The following LRRFIP2 variants were observed in gnomAD, a reference collection of about 807,000 sequenced individuals.
The protein encoded by LRRFIP2 is LRR binding FLII interacting protein 2, also known as leucine-rich repeat flightless-interacting protein 2.
A neutral mutation model predicts 125.9 loss-of-function variants in LRRFIP2; 109 were observed. The observed-to-expected ratio is 0.87, with a 90% CI of 0.74 to 1.01. The LOEUF (loss-of-function observed/expected upper bound fraction) is 1.01, where lower values mean the gene tolerates loss of function less well. Ranked by LOEUF, LRRFIP2 falls within the 50% of genes least tolerant of loss-of-function variation. The probability of loss-of-function intolerance (pLI) is 0.00; values close to 1 mark genes in which losing one functional copy is unlikely to be tolerated. For missense variants in LRRFIP2, 850 were observed against 862.3 expected, an observed-to-expected ratio of 0.99 and a Z score of 0.18; for synonymous variants, 291 against 293.1, an observed-to-expected ratio of 0.99 and a Z score of 0.07.
intron 17 of LRRFIP2, among the ~76,000 whole-genome samples, chr3:37,092,920 C>T (rs1342084798): frequency 6.6e-6 from 1 of 152,076 alleles, no homozygotes; most frequent in Non-Finnish European, 1.5e-5. Flanking sequence ...CTCACTGCAA[C>T]CTCTGCCTCC....
At chr3:37,056,688 C>T (rs1287444807) in intron 25 of LRRFIP2, among the ~76,000 whole-genome samples, 4 of 149,694 alleles carry the variant, frequency 2.7e-5, no homozygotes, top group African/African-American at 9.7e-5. Context: ...CTCCTGACCT[C>T]GTGATCCACC....
chr3:37,091,256 T>G (rs1013765323), intron 18 of LRRFIP2, among the ~76,000 whole-genome samples: 3 of 152,254 alleles, frequency 2.0e-5, no homozygotes, highest in Middle Eastern at 6.8e-3. Context: ...AATGATATCT[T>G]CTGCGGAATA....
rs1167635773 is a variant in LRRFIP2, at chr3:37,053,218, A to G, written c.*633T>C. ...ATTAGGCCTGGACTTCCCCTGCCCCATGCAATAAAGCAAGTTTTATATACA... is the reference window on the plus strand; with the variant it reads ...ATTAGGCCTGGACTTCCCCTGCCCCGTGCAATAAAGCAAGTTTTATATACA... On this transcript the variant is annotated 3_prime_UTR_variant, in exon 28 of 28. Coordinates refer to ENST00000336686, the MANE Select transcript of LRRFIP2 (RefSeq NM_006309.4). 1 of 152,782 alleles carries G rather than the reference A, an allele frequency of 6.5e-6. No homozygotes were observed. Among genetic ancestry groups the G allele is most frequent in the Non-Finnish European group, 1.5e-5 (1 of 68,180 alleles). The allele number at this position is 152,782 out of a possible 1,614,324, so 9.5% of individuals were successfully genotyped here.
At position 37,064,047 on chromosome 3, in the gene LRRFIP2, TAAAGAC is replaced by T. The variant is rs1312672465; in HGVS notation, c.1700-262_1700-257del. 66 of 432,048 alleles carry T rather than the reference TAAAGAC, an allele frequency of 1.5e-4. 1 individual carries two copies. The Admixed American group carries it at 2.6e-3, about 17-fold the overall frequency. The allele number at this position is 432,048 out of a possible 1,614,324, so 26.8% of individuals were successfully genotyped here. On this transcript the variant is annotated intron_variant, in intron 23 of 27. Coordinates refer to ENST00000336686, the MANE Select transcript of LRRFIP2 (RefSeq NM_006309.4). Reference sequence around the variant, plus strand: ...TTCCCCACAGCAGTGATTTGCCACTTAAAGACAAACAGAAGTACAAAGGAGGTCATT... The same window carrying T: ...TTCCCCACAGCAGTGATTTGCCACTTAAACAGAAGTACAAAGGAGGTCATT...
At chr3:37,090,799 T>TA (rs2093388895) in intron 18 of LRRFIP2, among the ~76,000 whole-genome samples, 1 of 152,154 alleles carries the variant, frequency 6.6e-6, no homozygotes, top group Non-Finnish European at 1.5e-5. Context: ...ACCTATAGGT[T>TA]AAAAAAATCC....
At chr3:37,154,009 T>G (rs1223919152) in intron 1 of LRRFIP2, among the ~76,000 whole-genome samples, 3 of 72,248 alleles carry the variant, frequency 4.2e-5, no homozygotes, top group African/African-American at 1.4e-4. Context: ...AAATTCTGTC[T>G]TTACAAAAAA....
Position 37,121,512 on chromosome 3 carries a change from G to T in LRRFIP2, c.310C>A (p.Arg104=). ...YLGVEDALSI[R]SVGSHRYDMF... ...CCAACCCTGTGACTGCCAACACTTC[G>T]AATGGACAATGCATCCTCAACTCCC... The change falls in exon 6 of 28, where the codon CGA becomes AGA. Residue 104 remains arginine (R), a synonymous_variant. Coordinates refer to ENST00000336686, the MANE Select transcript of LRRFIP2 (RefSeq NM_006309.4). 1 of 1,613,996 alleles carries T rather than the reference G, an allele frequency of 6.2e-7. No individual in the cohort carries two copies. Among genetic ancestry groups the T allele is most frequent in the South Asian group, 1.1e-5 (1 of 91,078 alleles).
At position 37,123,095 on chromosome 3, in the gene LRRFIP2, T is replaced by A. The variant is rs980887679; in HGVS notation, c.229-1404A>T. ...GCCCTTGACCAAATGTATGCTGAAG[T>A]CTGTTTATAAGCACTACTATGATTC... On this transcript the variant is annotated intron_variant, in intron 4 of 27. Coordinates refer to ENST00000336686, the MANE Select transcript of LRRFIP2 (RefSeq NM_006309.4). Among the ~76,000 whole-genome samples the A allele has an allele frequency of 3.9e-5, 6 of 152,372 alleles. No homozygotes were observed. In the South Asian group the frequency reaches 1.0e-3, roughly 26 times the overall value.
At chr3:37,144,499 G>A (rs571659622) in intron 2 of LRRFIP2, among the ~76,000 whole-genome samples, 14 of 152,222 alleles carry the variant, frequency 9.2e-5, no homozygotes, top group South Asian at 6.2e-4. Context: ...CCAGCTACTC[G>A]GGAGGCAAGG....
chr3:37,121,795 T>A, intron 4 of LRRFIP2, 104 bp from the exon 5 acceptor site: 5 of 1,062,190 alleles, frequency 4.7e-6, no homozygotes, highest in Non-Finnish European at 7.2e-6. Flanking sequence ...CAACAACTCC[T>A]GAGAGCAGGC....
At chr3:37,164,086 G>A (rs2096414159) in intron 1 of LRRFIP2, among the ~76,000 whole-genome samples, 2 of 152,158 alleles carry the variant, frequency 1.3e-5, no homozygotes, top group African/African-American at 4.8e-5. Flanking sequence ...TACATAGATA[G>A]ATGAAGACTC....
chr3:37,132,981 T>C (rs1360179086), intron 2 of LRRFIP2, among the ~76,000 whole-genome samples: 1 of 151,886 alleles, frequency 6.6e-6, no homozygotes, highest in African/African-American at 2.4e-5. Context: ...CTCAGCACTT[T>C]AGGAGGACAA....
In LRRFIP2 at chr3:37,072,847, C is replaced by G; in HGVS notation, c.1407G>C (p.Met469Ile). 1 of 1,612,956 alleles carries G rather than the reference C, an allele frequency of 6.2e-7. No individual in the cohort carries two copies. Reference protein sequence around the residue: ...KQRMQQKIDTMTKEVFDLQET... With the variant: ...KQRMQQKIDTITKEVFDLQET... ...CCTGGAGGTCAAACACCTCTTTTGT[C>G]ATGGTGTCTATTTTCTGCTGCATGC... The change falls in exon 21 of 28, where the codon ATG becomes ATC. Residue 469 changes from methionine (M) to isoleucine (I), a missense_variant. Physicochemically the swap from Met to Ile is conservative, Grantham distance 10 (BLOSUM62 1). Coordinates refer to ENST00000336686, the MANE Select transcript of LRRFIP2 (RefSeq NM_006309.4).
In LRRFIP2 at chr3:37,102,980, G is replaced by C. The variant is rs759159619; in HGVS notation, c.817C>G (p.Arg273Gly). 12 of 1,566,168 alleles carry C rather than the reference G, an allele frequency of 7.7e-6. No homozygotes were observed. Among genetic ancestry groups the C allele is most frequent in the Non-Finnish European group, 7.8e-6 (9 of 1,153,590 alleles). The change falls in exon 15 of 28, where the codon CGT becomes GGT. Residue 273 changes from arginine to glycine, a missense_variant. Transcript: ENST00000336686. ...ACCTCAGAGACAACACTTCCCCTACGATTGGAGCGACTGAAATAATCAGCG... is the reference window on the plus strand; with the variant it reads ...ACCTCAGAGACAACACTTCCCCTACCATTGGAGCGACTGAAATAATCAGCG... ...SAADYFSRSNRRGSVVSEVDD... is the reference protein window; with the variant it reads ...SAADYFSRSNGRGSVVSEVDD...
At chr3:37,104,072 T>C (rs918809638) in intron 14 of LRRFIP2, among the ~76,000 whole-genome samples, 1 of 152,268 alleles carries the variant, frequency 6.6e-6, no homozygotes, top group East Asian at 1.9e-4. Context: ...CTTACAAGTA[T>C]GAAGTTTTGC....
In LRRFIP2 at chr3:37,075,054, T is replaced by G; in HGVS notation, c.1341A>C (p.Glu447Asp). 6.2e-7 allele frequency: 1 copy of G among 1,613,024 alleles called. No homozygotes were observed. The highest frequency in any genetic ancestry group is 8.5e-7 in the Non-Finnish European group (1 of 1,179,810). The change falls in exon 20 of 28, where the codon GAA (glutamate) becomes GAC (aspartate). Residue 447 changes from glutamate (E) to aspartate (D), a missense_variant. Transcript: ENST00000336686. Reference protein sequence around the residue: ...VLQHKMEELKEGLRQRDELIE... With the variant: ...VLQHKMEELKDGLRQRDELIE... ...TAAGCTCATCTCTTTGCCGCAGGCC[T>G]TCTTTAAGTTCTTCCATCTTATGCT...
rs557011758 is a variant in LRRFIP2, at chr3:37,054,593, A to G, written c.1951-78T>C. On this transcript the variant is annotated intron_variant, in intron 26 of 27. Transcript: ENST00000336686. ...TTTTGGTAGCCAGGATGGAAATACA[A>G]TGTCATTATAAATGCCAAGTAATCT... 3 of 926,316 alleles carry G rather than the reference A, an allele frequency of 3.2e-6. No homozygotes were observed. In the South Asian group the frequency reaches 4.4e-5, roughly 13 times the overall value. 57.4% of individuals were successfully genotyped at this position (926,316 alleles called of 1,614,324 possible).
At position 37,076,930 on chromosome 3, in the gene LRRFIP2, G is replaced by A. The variant is rs150725886; in HGVS notation, c.1279-1814C>T. ...CTAACTGCATAGAATAATAAGCTAC[G>A]GAAACGGACAGTTTACAGAAAAAGA... On this transcript the variant is annotated intron_variant, in intron 19 of 27. Coordinates refer to ENST00000336686, the MANE Select transcript of LRRFIP2 (RefSeq NM_006309.4). 1.2e-3 allele frequency among the ~76,000 whole-genome samples: 183 copies of A among 152,098 alleles called. 2 individuals carry two copies. Among genetic ancestry groups the A allele is most frequent in the African/African-American group, 4.1e-3 (172 of 41,526 alleles).
At chr3:37,102,361 T>G (rs377458605) in intron 15 of LRRFIP2, among the ~76,000 whole-genome samples, 1 of 152,076 alleles carries the variant, frequency 6.6e-6, no homozygotes, top group Non-Finnish European at 1.5e-5. Flanking sequence ...ATATTGATAA[T>G]TGTTGCAGAT....
Sources: gnomAD v4.1 joint callset for allele counts (sites outside exome capture counted in the v4.1 genomes callset) on GRCh38, gnomAD v4.1.1 for gene constraint, MANE v1.5 for transcripts, NCBI Gene and HGNC (gene_info 2026-07-23, HGNC 2026-07-21) for gene names.